ANKFN1: variants seen among roughly 807,000 people sequenced by gnomAD.
ANKFN1 encodes ankyrin repeat and fibronectin type-III domain-containing protein 1.
A neutral mutation model predicts 108.7 loss-of-function variants in ANKFN1; 74 were observed. The observed-to-expected ratio is 0.68, with a 90% CI of 0.56 to 0.83. The LOEUF (loss-of-function observed/expected upper bound fraction) is 0.83. ANKFN1 is among the 40% of genes least tolerant of loss of function. The pLI, the probability that ANKFN1 is intolerant of heterozygous loss-of-function variation, is 0.00. For synonymous variants in ANKFN1, 547 were observed against 516.2 expected (o/e 1.06, Z -0.81); for missense variants, 1,505 against 1,382.3 (o/e 1.09, Z -1.41).
At chr17:56,140,190 G>A (rs1364927146) in intron 4 of ANKFN1, among the ~76,000 whole-genome samples, 1 of 152,050 alleles carries the variant, frequency 6.6e-6, no homozygotes, top group Admixed American at 6.6e-5. Flanking sequence ...CTGTTTCCTA[G>A]GTCAAAACTT....
intron 4 of ANKFN1, among the ~76,000 whole-genome samples, chr17:56,061,934 T>C (rs1052361765): frequency 2.6e-5 from 4 of 152,224 alleles, no homozygotes; most frequent in Non-Finnish European, 5.9e-5. Context: ...ACATTGCCTC[T>C]TTGTTCTCAT....
At chr17:56,158,018 A>G (rs1343485197) in intron 1 of ANKFN1, among the ~76,000 whole-genome samples, 2 of 152,240 alleles carry the variant, frequency 1.3e-5, no homozygotes, top group Admixed American at 1.3e-4. Flanking sequence ...CCCAGCTTTC[A>G]GGAATGCTAA....
chr17:56,382,717 C>A (rs2047142984), intron 8 of ANKFN1, among the ~76,000 whole-genome samples: 1 of 152,084 alleles, frequency 6.6e-6, no homozygotes, highest in African/African-American at 2.4e-5. Context: ...CAACAAAGAT[C>A]AAAAGAGACA....
At chr17:56,296,152 C>G (rs971380427) in intron 3 of ANKFN1, among the ~76,000 whole-genome samples, 7 of 151,952 alleles carry the variant, frequency 4.6e-5, no homozygotes, top group African/African-American at 1.7e-4. Context: ...TAAGTCCCTT[C>G]CACACTAACC....
rs2051728527 is a variant in ANKFN1, at chr17:56,510,806, C to CG, written c.2979dup (p.Leu994AlafsTer38). The CG allele has an allele frequency of 1.3e-6, 2 of 1,536,134 alleles. No homozygotes were observed. The highest frequency in any genetic ancestry group is 8.7e-7 in the Non-Finnish European group (1 of 1,146,908). On this transcript the variant is annotated frameshift_variant, in exon 21 of 21. Transcript: ENST00000682825. LOFTEE classifies it low-confidence loss of function (END_TRUNC). ...AAGACTGTGTCCGGTGGGCGGCCCCCGCTAGGCTTCCTGGGAAAGCGGAAG... is the reference window on the plus strand; with the variant it reads ...AAGACTGTGTCCGGTGGGCGGCCCCCGGCTAGGCTTCCTGGGAAAGCGGAAG...
rs796371754 is a variant in ANKFN1, at chr17:56,177,791, GGTTTTT to G, written c.-71+24279_-71+24284del. Among the ~76,000 whole-genome samples the G allele has an allele frequency of 5.5e-4, 81 of 147,156 alleles. No individual in the cohort carries two copies. In the East Asian group the frequency reaches 0.015, roughly 27 times the overall value. The stretch of plus-strand genomic sequence containing the variant: ...TAATTTTACTATAACTGCCAACATA[GGTTTTT>G]GTTTTTGTTTTTGTTTTGTTTTGTT... On this transcript the variant is annotated intron_variant, in intron 1 of 20. Transcript: ENST00000682825.
At chr17:56,245,451 T>G (rs1332040454) in intron 3 of ANKFN1, among the ~76,000 whole-genome samples, 1 of 152,124 alleles carries the variant, frequency 6.6e-6, no homozygotes, top group East Asian at 1.9e-4. Flanking sequence ...GGTTCTGTAG[T>G]GTACTTTATG....
intron 3 of ANKFN1, among the ~76,000 whole-genome samples, chr17:56,245,242 G>C (rs1369585163): frequency 6.6e-6 from 1 of 152,094 alleles, no homozygotes; most frequent in South Asian, 2.1e-4. Context: ...TGAACCTGTG[G>C]TTCCTCATGT....
chr17:56,443,540 T>G (rs1262940997), intron 10 of ANKFN1, among the ~76,000 whole-genome samples: 1 of 152,128 alleles, frequency 6.6e-6, no homozygotes, highest in Non-Finnish European at 1.5e-5. Flanking sequence ...TCACCCGCAG[T>G]GCACACATCC....
In ANKFN1 at chr17:56,515,577, C is replaced by T. The variant is rs1456521796; in HGVS notation, c.*4308C>T. Among the ~76,000 whole-genome samples the T allele has an allele frequency of 2.0e-5, 3 of 152,162 alleles. No homozygotes were observed. The highest frequency in any genetic ancestry group is 6.5e-5 in the Admixed American group (1 of 15,274). On this transcript the variant is annotated 3_prime_UTR_variant, in exon 21 of 21. Coordinates refer to ENST00000682825, the MANE Select transcript of ANKFN1 (RefSeq NM_001370326.1). Reference sequence around the variant, plus strand: ...ATGACTGTTAAGCTAAACTTCAATGCGGCCTTACAAACAACAAGGGTAGTG... The same window carrying T: ...ATGACTGTTAAGCTAAACTTCAATGTGGCCTTACAAACAACAAGGGTAGTG...
At chr17:56,203,581 ATGCCAGAGGGCAAACAGTTTCCAGAGTCT>A (rs1914240507) in intron 1 of ANKFN1, among the ~76,000 whole-genome samples, 1 of 152,188 alleles carries the variant, frequency 6.6e-6, no homozygotes, top group African/African-American at 2.4e-5. Context: ...ACTGGTTGCC[ATGCCAGAGGGCAAACAGTTTCCAGAGTCT>A]TGCCTCAGCA....
At chr17:56,213,254 A>G (rs977975882) in intron 2 of ANKFN1, among the ~76,000 whole-genome samples, 6 of 152,174 alleles carry the variant, frequency 3.9e-5, no homozygotes, top group African/African-American at 1.4e-4. Context: ...CCATCCCGTC[A>G]CAGGCTGAAA....
At chr17:56,432,756 A>T (rs546390464) in intron 8 of ANKFN1, among the ~76,000 whole-genome samples, 1 of 152,210 alleles carries the variant, frequency 6.6e-6, no homozygotes, top group Non-Finnish European at 1.5e-5. Flanking sequence ...CTTCTGCCCC[A>T]GATTCCCTCA....
chr17:56,107,157 A>G (rs1222635848), intron 4 of ANKFN1, among the ~76,000 whole-genome samples: 2 of 152,128 alleles, frequency 1.3e-5, no homozygotes, highest in Admixed American at 6.6e-5. Context: ...GGGGGCAGCT[A>G]AGTTGCTGAA....
intron 3 of ANKFN1, among the ~76,000 whole-genome samples, chr17:56,300,292 C>T (rs1233431591): frequency 6.6e-6 from 1 of 152,146 alleles, no homozygotes; most frequent in Non-Finnish European, 1.5e-5. Context: ...CTCTAGATGT[C>T]GCTCGATGAG....
chr17:56,059,251 C>CATAT (rs1038130088), intron 4 of ANKFN1, among the ~76,000 whole-genome samples: 1 of 152,130 alleles, frequency 6.6e-6, no homozygotes, highest in Non-Finnish European at 1.5e-5. Context: ...AGTCTCTGTT[C>CATAT]ATATACTTTG....
chr17:56,090,217 A>G (rs1438226196), intron 4 of ANKFN1, among the ~76,000 whole-genome samples: 1 of 151,246 alleles, frequency 6.6e-6, no homozygotes, highest in African/African-American at 2.4e-5. Context: ...ATGAGCCAGA[A>G]TGTGAGCACT....
Position 56,462,882 on chromosome 17 carries a change from A to G in ANKFN1, c.1558-3474A>G, listed in dbSNP as rs148022838. Among the ~76,000 whole-genome samples the G allele has an allele frequency of 9.2e-5, 14 of 152,342 alleles. 1 individual carries two copies. Among genetic ancestry groups the G allele is most frequent in the South Asian group, 8.3e-4 (4 of 4,824 alleles). On this transcript the variant is annotated intron_variant, in intron 14 of 20. Transcript: ENST00000682825. Reference sequence around the variant, plus strand: ...TTCTGACCAAGGCATTCTCTGACTTAGACTCTTCCAGCTGTGGCTCAGACA... The same window carrying G: ...TTCTGACCAAGGCATTCTCTGACTTGGACTCTTCCAGCTGTGGCTCAGACA...
chr17:56,311,334 A>G (rs1447705653), intron 3 of ANKFN1, among the ~76,000 whole-genome samples: 1 of 152,162 alleles, frequency 6.6e-6, no homozygotes, highest in African/African-American at 2.4e-5. Context: ...TTCCCATCAC[A>G]GGGTTGCTGT....
Sources: gnomAD v4.1 joint callset for allele counts (sites outside exome capture counted in the v4.1 genomes callset) on GRCh38, gnomAD v4.1.1 for gene constraint, MANE v1.5 for transcripts, NCBI Gene and HGNC (gene_info 2026-07-23, HGNC 2026-07-21) for gene names.